AHNAK2: variants seen among roughly 807,000 people sequenced by gnomAD.
AHNAK2 encodes protein AHNAK2.
Under a neutral mutation model 30.7 loss-of-function variants are expected in AHNAK2, and 18 were observed. The ratio of observed to expected loss-of-function variants is 0.59; its 90% CI spans 0.41 to 0.87. The LOEUF (loss-of-function observed/expected upper bound fraction) is 0.87, where lower values mean the gene tolerates loss of function less well. Ranked by LOEUF, AHNAK2 falls within the 40% of genes least tolerant of loss-of-function variation. The probability of loss-of-function intolerance (pLI) is 0.00; values close to 1 mark genes in which losing one functional copy is unlikely to be tolerated. For synonymous variants in AHNAK2, 3,590 were observed against 3,073.8 expected (o/e 1.17, Z -5.56); for missense variants, 8,604 against 7,373.0 (o/e 1.17, Z -6.11).
rs80245452 is a variant in AHNAK2 at position 104,938,197 on chromosome 14, C to T, written c.17254G>A (p.Gly5752Arg). 1,185 of 1,613,892 alleles carry T rather than the reference C, an allele frequency of 7.3e-4. 5 individuals are homozygous for T. In the African/African-American group the frequency reaches 0.014, roughly 19 times the overall value. Residue 5752 changes from glycine (G) to arginine (R), a missense_variant, in exon 7 of 7, where the codon GGG becomes AGG. Physicochemically the swap from Gly to Arg is moderately radical, Grantham distance 125. Coordinates refer to ENST00000333244, the MANE Select transcript of AHNAK2 (RefSeq NM_138420.4). ...PEEKEEGELI[G>R]PVGTGLDSRV... Reference sequence around the variant, plus strand: ...GAGTCCAGCCCAGTGCCCACAGGCCCGATCAGTTCACCCTCTTCCTTCTCT... The same window carrying T: ...GAGTCCAGCCCAGTGCCCACAGGCCTGATCAGTTCACCCTCTTCCTTCTCT...
rs762676873 is a variant in AHNAK2 at position 104,949,818 on chromosome 14, G to A, written c.5633C>T (p.Ala1878Val). The change falls in exon 7 of 7, where the codon GCA becomes GTA. Residue 1878 changes from alanine to valine, a missense_variant. By Grantham distance (64) the Ala-to-Val change is moderately conservative. Coordinates refer to ENST00000333244, the MANE Select transcript of AHNAK2 (RefSeq NM_138420.4). ...TTGGCCAGCCTGGACCACCAGGTCT[G>A]CAGAAGGGAGCGGAATGCAGAGGTC... ...TTDLCIPLPS[A>V]DLVVQAGQVD... 12 of 1,587,360 alleles carry A rather than the reference G, an allele frequency of 7.6e-6. 1 individual carries two copies. Among genetic ancestry groups the A allele is most frequent in the Admixed American group, 7.0e-5 (4 of 57,472 alleles).
At chr14:104,961,313 A>C (rs568908978) in intron 1 of AHNAK2, among the ~76,000 whole-genome samples, 6 of 151,644 alleles carry the variant, frequency 4.0e-5, no homozygotes, top group Admixed American at 6.6e-5. Flanking sequence ...AGGAGATCAA[A>C]ACCATCCTGG....
At position 104,948,148 on chromosome 14, in the gene AHNAK2, T is replaced by A; in HGVS notation, c.7303A>T (p.Thr2435Ser). ...GPKLDLKGPKTDVMAPDVEVS... is the reference protein window; with the variant it reads ...GPKLDLKGPKSDVMAPDVEVS... The stretch of plus-strand genomic sequence containing the variant: ...TCCACGTCGGGGGCCATCACGTCCG[T>A]CTTGGGGCCTTTCAGGTCCAGCTTG... Residue 2435 changes from threonine (T) to serine (S), a missense_variant, in exon 7 of 7, where the codon ACG (threonine) becomes TCG (serine). Coordinates refer to ENST00000333244, the MANE Select transcript of AHNAK2 (RefSeq NM_138420.4). 6.2e-7 allele frequency: 1 copy of A among 1,606,776 alleles called. No homozygotes were observed. Among genetic ancestry groups the A allele is most frequent in the South Asian group, 1.1e-5 (1 of 90,720 alleles).
rs2140864082 is a variant in AHNAK2, at chr14:104,953,258, G to A, written c.2193C>T (p.Asp731=). ...TDLSVQTPSA[D]LEVQDGQVDV... Reference sequence around the variant, plus strand: ...CCACTTGGCCATCCTGGACCTCCAGGTCAGCGGAAGGGGTCTGGACGCTGA... The same window carrying A: ...CCACTTGGCCATCCTGGACCTCCAGATCAGCGGAAGGGGTCTGGACGCTGA... The change falls in exon 7 of 7, where the codon GAC becomes GAT. Residue 731 remains aspartate, a synonymous_variant. Transcript: ENST00000333244. 2 of 1,613,000 alleles carry A rather than the reference G, an allele frequency of 1.2e-6. No homozygotes were observed. Among genetic ancestry groups the A allele is most frequent in the Non-Finnish European group, 1.7e-6 (2 of 1,179,664 alleles).
In AHNAK2 at chr14:104,952,005, A is replaced by C. The variant is rs1898749655; in HGVS notation, c.3446T>G (p.Leu1149Arg). 6.2e-7 allele frequency: 1 copy of C among 1,612,452 alleles called. No individual in the cohort carries two copies. Among genetic ancestry groups the C allele is most frequent in the African/African-American group, 1.3e-5 (1 of 74,236 alleles). The change falls in exon 7 of 7, where the codon CTG (leucine) becomes CGG (arginine). Residue 1149 changes from leucine (L) to arginine (R), a missense_variant. Leu to Arg is a moderately radical substitution (Grantham distance 102, BLOSUM62 -2). Coordinates refer to ENST00000333244, the MANE Select transcript of AHNAK2 (RefSeq NM_138420.4). ...AGTCACATCCTTGTCGGCCAGGGACAGTTCCCCCTCCAGCCGCGCACTGTC... is the reference window on the plus strand; with the variant it reads ...AGTCACATCCTTGTCGGCCAGGGACCGTTCCCCCTCCAGCCGCGCACTGTC... Reference protein sequence around the residue: ...KLDSARLEGELSLADKDVTAK... With the variant: ...KLDSARLEGERSLADKDVTAK...
intron 1 of AHNAK2, among the ~76,000 whole-genome samples, chr14:104,964,654 A>G (rs1405273383): frequency 2.6e-5 from 4 of 152,240 alleles, no homozygotes; most frequent in Non-Finnish European, 4.4e-5. Flanking sequence ...ACGTGGATGA[A>G]GTTCACAAAC....
chr14:104,940,112 C>T lies in AHNAK2; in HGVS notation c.15339G>A (p.Val5113=). Residue 5113 remains valine (V), a synonymous_variant, in exon 7 of 7, where the codon GTG becomes GTA. Coordinates refer to ENST00000333244, the MANE Select transcript of AHNAK2 (RefSeq NM_138420.4). This position sits in a 1 kb window ranked among gnomAD's most constrained non-coding sequence, Gnocchi z 4.4. ...GAGGCAGGTCAGCTTCAGGCTGGCT[C>T]ACCTCCACCTTGGCCTTGGAGGATC... The part of the protein sequence containing the change: ...DLRSSKAKVE[V]SQPEADLPLP... 1 of 1,613,274 alleles carries T rather than the reference C, an allele frequency of 6.2e-7. No individual in the cohort carries two copies. The highest frequency in any genetic ancestry group is 8.5e-7 in the Non-Finnish European group (1 of 1,179,894).
At chr14:104,955,332 G>A (rs1158072151) in intron 5 of AHNAK2, 151 bp downstream of exon 5, 43 of 1,318,292 alleles carry the variant, frequency 3.3e-5, no homozygotes, top group Non-Finnish European at 4.4e-5. Context: ...ACTAGATGCA[G>A]TGGGTGATCC....
rs376865917 is a variant in AHNAK2 at position 104,944,993 on chromosome 14, C to T, written c.10458G>A (p.Ser3486=). 4.3e-5 allele frequency: 70 copies of T among 1,611,690 alleles called. No homozygotes were observed. The highest frequency in any genetic ancestry group is 3.5e-4 in the African/African-American group (26 of 74,168). ...PKFKMPSFGV[S]APGRSIEASL... ...AGGCCTCGATGGACCTGCCTGGGGCCGACACCCCGAAGGAGGGCATCTTGA... is the reference window on the plus strand; with the variant it reads ...AGGCCTCGATGGACCTGCCTGGGGCTGACACCCCGAAGGAGGGCATCTTGA... The change falls in exon 7 of 7, where the codon TCG becomes TCA. Residue 3486 remains serine (S), a synonymous_variant. Coordinates refer to ENST00000333244, the MANE Select transcript of AHNAK2 (RefSeq NM_138420.4).
Position 104,952,270 on chromosome 14 carries a change from G to A in AHNAK2, c.3181C>T (p.Gln1061Ter). The change falls in exon 7 of 7, where the codon CAG (glutamine) becomes TAG (stop). Residue 1061 changes from glutamine to a stop codon, truncating the protein, a stop_gained. Coordinates refer to ENST00000333244, the MANE Select transcript of AHNAK2 (RefSeq NM_138420.4). LOFTEE classifies it low-confidence loss of function (END_TRUNC). ...CCCTCCGGGAGCTTCACATCCACCT[G>A]GTCAGCCTGGACCTTCAGGTCAGTA... is the stretch of plus-strand genomic sequence containing the variant. Reference protein sequence around the residue: ...ASTDLKVQADQVDVKLPEGHL... With the variant: ...ASTDLKVQAD 6.2e-7 allele frequency: 1 copy of A among 1,612,484 alleles called. No homozygotes were observed. The highest frequency in any genetic ancestry group is 8.5e-7 in the Non-Finnish European group (1 of 1,179,606).
At position 104,949,830 on chromosome 14, in the gene AHNAK2, G is replaced by A. The variant is rs200366012; in HGVS notation, c.5621C>T (p.Pro1874Leu). ...GACCACCAGGTCTGCAGAAGGGAGC[G>A]GAATGCAGAGGTCCGTGGTCTTGAG... is the stretch of plus-strand genomic sequence containing the variant. ...GDLKTTDLCIPLPSADLVVQA... is the reference protein window; with the variant it reads ...GDLKTTDLCILLPSADLVVQA... Residue 1874 changes from proline to leucine, a missense_variant, in exon 7 of 7, where the codon CCG (proline) becomes CTG (leucine). Physicochemically the swap from Pro to Leu is moderately conservative, Grantham distance 98 (BLOSUM62 -3). Coordinates refer to ENST00000333244, the MANE Select transcript of AHNAK2 (RefSeq NM_138420.4). 92 of 1,582,794 alleles carry A rather than the reference G, an allele frequency of 5.8e-5. 9 individuals carry two copies. The highest frequency in any genetic ancestry group is 1.3e-4 in the African/African-American group (9 of 71,134).
chr14:104,975,219 G>C (rs1448084512), intron 1 of AHNAK2, among the ~76,000 whole-genome samples: 1 of 152,218 alleles, frequency 6.6e-6, no homozygotes, highest in Non-Finnish European at 1.5e-5. Context: ...GGGCTCCTGG[G>C]GCATTGGAAC....
Position 104,942,217 on chromosome 14 carries a change from CT to C in AHNAK2, c.13233del (p.Gly4412AlafsTer6). On this transcript the variant is annotated frameshift_variant, in exon 7 of 7. Coordinates refer to ENST00000333244, the MANE Select transcript of AHNAK2 (RefSeq NM_138420.4). LOFTEE classifies it low-confidence loss of function (END_TRUNC). Reference sequence around the variant, plus strand: ...GGGGACGTCACCTCCACCTTGGGGCCTTTCAGGTCCAGCTTGGGGACATTAA... The same window carrying C: ...GGGGACGTCACCTCCACCTTGGGGCCTTCAGGTCCAGCTTGGGGACATTAA... ...IDVNVPKLDL[K>X]GPKVEVTSPN... The C allele has an allele frequency of 6.2e-7, 1 of 1,613,244 alleles. No homozygotes were observed. Among genetic ancestry groups the C allele is most frequent in the Non-Finnish European group, 8.5e-7 (1 of 1,179,790 alleles).
chr14:104,977,239 CT>C lies in AHNAK2; in HGVS notation c.55+943del, dbSNP rs572503047. The stretch of plus-strand genomic sequence containing the variant: ...CACCAGTGCCGGCCAGCCCAACCCC[CT>C]GGCCAGTGGCTGCCAATGCCCTGGG... On this transcript the variant is annotated intron_variant, in intron 1 of 6. Coordinates refer to ENST00000333244, the MANE Select transcript of AHNAK2 (RefSeq NM_138420.4). 5.3e-4 allele frequency among the ~76,000 whole-genome samples: 81 copies of C among 152,338 alleles called. 1 individual carries two copies. The South Asian group carries it at 0.015, about 29-fold the overall frequency.
Position 104,978,221 on chromosome 14 carries a change from T to C in AHNAK2, c.17A>G (p.His6Arg). MCDCF[H>R]MVLPTWPGTP... ...TCCGGGCCAGGTGGGCAGCACCATG[T>C]GGAAGCAGTCGCACATCGCGGCGGC... Residue 6 changes from histidine to arginine, a missense_variant, in exon 1 of 7, where the codon CAC becomes CGC. Coordinates refer to ENST00000333244, the MANE Select transcript of AHNAK2 (RefSeq NM_138420.4). The C allele has an allele frequency of 1.7e-6, 2 of 1,204,644 alleles. No individual in the cohort carries two copies. The highest frequency in any genetic ancestry group is 2.1e-6 in the Non-Finnish European group (2 of 969,874). 74.6% of individuals were successfully genotyped at this position (1,204,644 alleles called of 1,614,324 possible). A position where few individuals can be genotyped will look rare whatever the true frequency, so the allele number is the denominator to read the frequency against.
rs200852783 is a variant in AHNAK2, at chr14:104,950,164, C to T, written c.5287G>A (p.Val1763Ile). The change falls in exon 7 of 7, where the codon GTC becomes ATC. Residue 1763 changes from valine (V) to isoleucine (I), a missense_variant. Coordinates refer to ENST00000333244, the MANE Select transcript of AHNAK2 (RefSeq NM_138420.4). ...KVALKGPQMD[V>I]KGPKLDLKGP... is the part of the protein sequence containing the mutation. ...TTCAGGTCCAGCTTGGGGCCCTTGA[C>T]GTCCATCTGGGGGCCCTTGAGGGCC... 9.1e-5 allele frequency: 145 copies of T among 1,585,858 alleles called. 19 individuals carry two copies. The highest frequency in any genetic ancestry group is 4.3e-4 in the African/African-American group (31 of 71,958).
At position 104,952,311 on chromosome 14, in the gene AHNAK2, C is replaced by G. The variant is rs1269395957; in HGVS notation, c.3140G>C (p.Ser1047Thr). 1 of 1,612,542 alleles carries G rather than the reference C, an allele frequency of 6.2e-7. No individual in the cohort carries two copies. The highest frequency in any genetic ancestry group is 8.5e-7 in the Non-Finnish European group (1 of 1,179,566). Residue 1047 changes from serine (S) to threonine (T), a missense_variant, in exon 7 of 7, where the codon AGC becomes ACC. Transcript: ENST00000333244. ...MQGDLKTTDL[S>T]IQPASTDLKV... is the part of the protein sequence containing the mutation. ...CAGGTCAGTAGAAGCAGGCTGAATG[C>G]TGAGGTCAGTGGTCTTCAGGTCCCC... is the stretch of plus-strand genomic sequence containing the variant.
chr14:104,938,040 C>T lies in AHNAK2; in HGVS notation c.*23G>A, dbSNP rs1394587151. ...TTCCAACTTAGTTTTTTGCATCTCT[C>T]TTGTACTGATGAGCCATACCTCTCA... is the stretch of plus-strand genomic sequence containing the variant. On this transcript the variant is annotated 3_prime_UTR_variant, in exon 7 of 7. Coordinates refer to ENST00000333244, the MANE Select transcript of AHNAK2 (RefSeq NM_138420.4). 1 of 1,604,422 alleles carries T rather than the reference C, an allele frequency of 6.2e-7. No homozygotes were observed.
chr14:104,944,442 G>T lies in AHNAK2; in HGVS notation c.11009C>A (p.Ala3670Asp). The T allele has an allele frequency of 6.2e-7, 1 of 1,613,046 alleles. No homozygotes were observed. Among genetic ancestry groups the T allele is most frequent in the Non-Finnish European group, 8.5e-7 (1 of 1,179,576 alleles). The change falls in exon 7 of 7, where the codon GCC (alanine) becomes GAC (aspartate). Residue 3670 changes from alanine (A) to aspartate (D), a missense_variant. Transcript: ENST00000333244. ...CTGCATGGAGGGGAGACTCACATCG[G>T]CTTCCACCTTGGGTGCAGACACATC... ...SVDVSAPKVE[A>D]DVSLPSMQGD...
Sources: allele counts gnomAD v4.1 joint callset (sites outside exome capture counted in the v4.1 genomes callset), GRCh38; gene constraint gnomAD v4.1.1; non-coding constraint Gnocchi (gnomAD v3.1); transcripts MANE v1.5; gene names NCBI Gene and HGNC (gene_info 2026-07-23, HGNC 2026-07-21).